The following AXDND1 variants were observed in gnomAD, a reference collection of about 807,000 sequenced individuals.
AXDND1 encodes axonemal dynein light chain domain-containing protein 1.
A neutral mutation model predicts 137.5 loss-of-function variants in AXDND1; 110 were observed. The observed-to-expected ratio is 0.80, with a 90% CI of 0.69 to 0.94. The LOEUF (loss-of-function observed/expected upper bound fraction) is 0.94, where lower values mean the gene tolerates loss of function less well. Ranked by LOEUF, AXDND1 falls within the 40% of genes least tolerant of loss-of-function variation. The pLI, the probability that AXDND1 is intolerant of heterozygous loss-of-function variation, is 0.00. For missense variants in AXDND1, 1,191 were observed against 1,169.8 expected (o/e 1.02, Z -0.26); for synonymous variants, 414 against 399.7 (o/e 1.04, Z -0.43).
At chr1:179,443,318 TTTGTGC>T (rs1050361613) in intron 15 of AXDND1, among the ~76,000 whole-genome samples, 24 of 152,226 alleles carry the variant, frequency 1.6e-4, no homozygotes, top group African/African-American at 5.8e-4. Context: ...ATAAGTAATG[TTTGTGC>T]CTATCCTATA....
chr1:179,500,578 A>G (rs1667898870), intron 20 of AXDND1, among the ~76,000 whole-genome samples: 2 of 152,174 alleles, frequency 1.3e-5, no homozygotes, highest in South Asian at 2.1e-4. Context: ...GAAAGATTCT[A>G]TATTGTAAAG....
At chr1:179,517,432 A>C (rs1038978969) in intron 21 of AXDND1, among the ~76,000 whole-genome samples, 2 of 152,172 alleles carry the variant, frequency 1.3e-5, no homozygotes, top group Admixed American at 1.3e-4. Flanking sequence ...GAGTCTGTAC[A>C]CTGGATTCAT....
At chr1:179,388,973 A>ATTTTTT (rs200417239) in intron 9 of AXDND1, among the ~76,000 whole-genome samples, 2 of 76,532 alleles carry the variant, frequency 2.6e-5, no homozygotes, top group Non-Finnish European at 5.3e-5. Flanking sequence ...TCATTTTTAG[A>ATTTTTT]TTCTTTTTTT....
intron 11 of AXDND1, among the ~76,000 whole-genome samples, chr1:179,395,781 G>A (rs1650954334): frequency 6.6e-6 from 1 of 152,110 alleles, no homozygotes. Context: ...ATTATAGTGA[G>A]TACTCATTTA....
chr1:179,398,060 C>T (rs1160499643), intron 11 of AXDND1, among the ~76,000 whole-genome samples: 1 of 152,188 alleles, frequency 6.6e-6, no homozygotes. Context: ...GGAAAGAAGG[C>T]ACTCTGGCTT....
intron 11 of AXDND1, among the ~76,000 whole-genome samples, chr1:179,401,030 G>A (rs992794698): frequency 4.6e-5 from 7 of 151,512 alleles, no homozygotes; most frequent in Admixed American, 6.6e-5. Context: ...AGGTCAAAGC[G>A]GGTGGATCAG....
intron 16 of AXDND1, among the ~76,000 whole-genome samples, chr1:179,467,091 C>A (rs1392327666): frequency 2.6e-5 from 4 of 152,112 alleles, no homozygotes; most frequent in African/African-American, 9.7e-5. Context: ...TCCCAAATTT[C>A]CATGAAAGAT....
At chr1:179,461,520 T>C (rs577541209) in intron 16 of AXDND1, among the ~76,000 whole-genome samples, 1 of 152,272 alleles carries the variant, frequency 6.6e-6, no homozygotes, top group Admixed American at 6.5e-5. Flanking sequence ...CTTAGGATTG[T>C]CTTGGCAATG....
chr1:179,518,783 C>A (rs1669791293), intron 21 of AXDND1, among the ~76,000 whole-genome samples: 1 of 152,100 alleles, frequency 6.6e-6, no homozygotes. Context: ...TTTATCTAGT[C>A]TATCATTGAT....
chr1:179,444,419 T>C (rs1438348202), intron 15 of AXDND1, among the ~76,000 whole-genome samples: 1 of 152,122 alleles, frequency 6.6e-6, no homozygotes, highest in African/African-American at 2.4e-5. Context: ...CTAATTACTC[T>C]TATTGAAGGC....
intron 2 of AXDND1, among the ~76,000 whole-genome samples, chr1:179,367,390 C>G (rs1424248289): frequency 6.6e-6 from 1 of 152,054 alleles, no homozygotes; most frequent in Admixed American, 6.6e-5. Context: ...TGGCTCGTGC[C>G]TGTAGTCCCA....
chr1:179,498,230 A>G (rs1249110915), intron 20 of AXDND1, among the ~76,000 whole-genome samples: 1 of 152,188 alleles, frequency 6.6e-6, no homozygotes, highest in Non-Finnish European at 1.5e-5. Flanking sequence ...ACAAAGCTGG[A>G]GGCATCACAC....
In AXDND1 at chr1:179,422,844, A is replaced by G. The variant is rs559054830; in HGVS notation, c.1231-6674A>G. Among the ~76,000 whole-genome samples, 56 of 152,058 alleles carry G rather than the reference A, an allele frequency of 3.7e-4. 1 individual carries two copies. The South Asian group carries it at 0.011, about 31-fold the overall frequency. ...AGTGGTGCAGTCTCGGCTCACTGCA[A>G]CCTCCGCCTCGTGGGTTCAAGTAAT... is the stretch of plus-strand genomic sequence containing the variant. On this transcript the variant is annotated intron_variant, in intron 12 of 25. Coordinates refer to ENST00000367618, the MANE Select transcript of AXDND1 (RefSeq NM_144696.6).
At chr1:179,529,865 G>A (rs545908933) in intron 23 of AXDND1, among the ~76,000 whole-genome samples, 94 of 152,206 alleles carry the variant, frequency 6.2e-4, no homozygotes, top group African/African-American at 2.1e-3. Flanking sequence ...ATATATTTGG[G>A]GGGTAATATA....
In AXDND1 at chr1:179,383,601, T is replaced by A. The variant is rs4077551; in HGVS notation, c.741+57T>A. 8.4e-5 allele frequency: 113 copies of A among 1,337,710 alleles called. No individual in the cohort carries two copies. In the East Asian group the frequency reaches 2.3e-3, roughly 27 times the overall value. 82.9% of individuals were successfully genotyped at this position (1,337,710 alleles called of 1,614,324 possible). On this transcript the variant is annotated intron_variant, in intron 8 of 25. Transcript: ENST00000367618. ...TAAGAGCATGCACTCAGGAGGCAGA[T>A]TGCCTAGGTTAGAATTCTGACCCTG...
At chr1:179,505,592 G>T (rs1928003) in intron 20 of AXDND1, among the ~76,000 whole-genome samples, 51,332 of 150,728 alleles carry the variant, frequency 0.34, 8,704 homozygotes, top group East Asian at 0.4. Flanking sequence ...AGGTTGTGCC[G>T]AGCCGAGATT....
At chr1:179,442,388 A>G (rs1040061270) in intron 15 of AXDND1, among the ~76,000 whole-genome samples, 1 of 152,172 alleles carries the variant, frequency 6.6e-6, no homozygotes, top group Non-Finnish European at 1.5e-5. Context: ...AGAAAACTGA[A>G]GAATCAACTT....
rs748025457 is a variant in AXDND1, at chr1:179,368,829, A to G, written c.127A>G (p.Met43Val). The change falls in exon 3 of 26, where the codon ATG becomes GTG. Residue 43 changes from methionine (M) to valine (V), a missense_variant. By Grantham distance (21) the Met-to-Val change is conservative. Transcript: ENST00000367618. ...TCCTGAGCTAAAGGAGAAAAAAAAT[A>G]TGGTGGATCGTTCAAAACTCCTTCC... ...GLPELKEKKN[M>V]VDRSKLLPTS... 55 of 1,613,148 alleles carry G rather than the reference A, an allele frequency of 3.4e-5. No homozygotes were observed. Among genetic ancestry groups the G allele is most frequent in the Middle Eastern group, 1.6e-4 (1 of 6,078 alleles).
chr1:179,457,518 T>G (rs1661588408), intron 16 of AXDND1, among the ~76,000 whole-genome samples: 1 of 152,252 alleles, frequency 6.6e-6, no homozygotes, highest in Admixed American at 6.5e-5. Flanking sequence ...CCCCATACTT[T>G]GTGTTATTTT....
Sources: allele counts gnomAD v4.1 joint callset (sites outside exome capture counted in the v4.1 genomes callset), GRCh38; gene constraint gnomAD v4.1.1; transcripts MANE v1.5; gene names NCBI Gene and HGNC (gene_info 2026-07-23, HGNC 2026-07-21).